PRCD: variants seen among roughly 807,000 people sequenced by gnomAD.
PRCD encodes the protein photoreceptor disc component.
A neutral mutation model predicts 10.1 loss-of-function variants in PRCD; 12 were observed. That is an observed-to-expected ratio of 1.18 (90% CI 0.76 to 1.92). PRCD has a LOEUF of 1.92. Ranked by LOEUF, PRCD falls within the 40% of genes most tolerant of loss-of-function variation. The pLI is 0.00. For missense variants in PRCD, 61 were observed against 72.2 expected (o/e 0.84, Z 0.56); for synonymous variants, 31 against 26.2 (o/e 1.18, Z -0.56).
At chr17:76,529,505 C>T (rs1297729514) in intron 1 of PRCD, 2 of 985,356 alleles carry the variant, frequency 2.0e-6, no homozygotes, top group Non-Finnish European at 2.4e-6. Context: ...GTTTCTGATT[C>T]ACTGGGGCTC....
At chr17:76,529,777 G>A (rs1468904965) in intron 1 of PRCD, 1 of 985,346 alleles carries the variant, frequency 1.0e-6, no homozygotes, top group Non-Finnish European at 1.2e-6. Context: ...CCTCTGGTGG[G>A]CCAACATCTG....
chr17:76,537,325 G>C (rs1475465388), upstream of PRCD: 71 of 1,431,630 alleles, frequency 5.0e-5, 1 homozygote, highest in East Asian at 1.4e-3. Flanking sequence ...GCTCGGACCC[G>C]GGCCCAGCCC....
downstream of PRCD, among the ~76,000 whole-genome samples, chr17:76,548,435 A>G (rs763177935): frequency 2.0e-4 from 31 of 152,268 alleles, 1 homozygote; most frequent in Non-Finnish European, 3.8e-4. Flanking sequence ...ACCCTGTATC[A>G]GGTGTCAGGA....
upstream of PRCD, among the ~76,000 whole-genome samples, chr17:76,536,560 T>G (rs1316728669): frequency 6.6e-6 from 1 of 152,142 alleles, no homozygotes; most frequent in Non-Finnish European, 1.5e-5. Context: ...CTTTCGAGAC[T>G]TGGACACATC....
At chr17:76,529,991 G>T (rs1478882476) in intron 1 of PRCD, 1 of 985,270 alleles carries the variant, frequency 1.0e-6, no homozygotes, top group Non-Finnish European at 1.2e-6. Flanking sequence ...GTCCCCAGCT[G>T]CCCTCAGGGG....
downstream of PRCD, among the ~76,000 whole-genome samples, chr17:76,547,655 A>T (rs1370877203): frequency 6.6e-6 from 1 of 151,828 alleles, no homozygotes; most frequent in Non-Finnish European, 1.5e-5. Flanking sequence ...ACACACACAC[A>T]CACACACATA....
downstream of PRCD, among the ~76,000 whole-genome samples, chr17:76,549,680 C>T (rs767652553): frequency 6.6e-6 from 1 of 152,204 alleles, no homozygotes; most frequent in African/African-American, 2.4e-5. Flanking sequence ...CCAAATATTC[C>T]TCGACGTGGG....
intron 1 of PRCD, among the ~76,000 whole-genome samples, chr17:76,534,929 C>T (rs1423556866): frequency 4.6e-5 from 7 of 152,350 alleles, no homozygotes; most frequent in South Asian, 4.1e-4. Context: ...GAGACCCTCC[C>T]GGTCTCAGCC....
chr17:76,542,126 C>T (rs1160923672), intron 2 of PRCD, among the ~76,000 whole-genome samples: 2 of 152,172 alleles, frequency 1.3e-5, no homozygotes, highest in Non-Finnish European at 2.9e-5. Flanking sequence ...TCATCTATCT[C>T]ATTTGTGGCT....
chr17:76,543,227 C>T (rs578090339), intron 4 of PRCD, 106 bp downstream of exon 4: 12 of 384,774 alleles, frequency 3.1e-5, no homozygotes, highest in Middle Eastern at 7.2e-4. Flanking sequence ...AAAGAGCAGA[C>T]GTGCTCGCTG....
rs572748485 is a variant in PRCD, at chr17:76,544,918, C to A, written c.*1268C>A. 24 of 456,634 alleles carry A rather than the reference C, an allele frequency of 5.3e-5. No individual in the cohort carries two copies. Among genetic ancestry groups the A allele is most frequent in the Non-Finnish European group, 9.7e-5 (22 of 226,990 alleles). The allele number at this position is 456,634 out of a possible 1,614,324, so 28.3% of individuals were successfully genotyped here. Reference sequence around the variant, plus strand: ...TCCACGCCACTGTTCCGAGAACCTGCGCAGGAGGTGGTGGCTGCTCCAGGG... The same window carrying A: ...TCCACGCCACTGTTCCGAGAACCTGAGCAGGAGGTGGTGGCTGCTCCAGGG... On this transcript the variant is annotated 3_prime_UTR_variant, in exon 5 of 5. Transcript: ENST00000592014.
chr17:76,547,672 C>A (rs531361342), downstream of PRCD, among the ~76,000 whole-genome samples: 10 of 151,276 alleles, frequency 6.6e-5, 1 homozygote, highest in South Asian at 2.1e-4. Context: ...CATATTCACA[C>A]ACAGAGACAC....
In PRCD at chr17:76,540,633, A is replaced by T; in HGVS notation, c.143+60A>T. The T allele has an allele frequency of 6.5e-7, 1 of 1,544,632 alleles. No individual in the cohort carries two copies. Among genetic ancestry groups the T allele is most frequent in the Non-Finnish European group, 8.9e-7 (1 of 1,120,340 alleles). On this transcript the variant is annotated intron_variant, in intron 2 of 4. Coordinates refer to ENST00000592014, the MANE Select transcript of PRCD (RefSeq NM_001077620.3). This position sits in a 1 kb window ranked among gnomAD's most constrained non-coding sequence, Gnocchi z 5.0. ...GCTGCCAAGGAAGCTGTGGCTGTGC[A>T]TGCCTGGGGGTGCACGTGTGTGCCT...
Position 76,542,537 on chromosome 17 carries a change from G to T in PRCD, c.144-16G>T, listed in dbSNP as rs1385213368. The T allele has an allele frequency of 6.2e-7, 1 of 1,614,114 alleles. No individual in the cohort carries two copies. The highest frequency in any genetic ancestry group is 1.3e-5 in the African/African-American group (1 of 74,932). ...CGTGCCCTTCAATCCTGACCCCAGT[G>T]CTTTCCTCTGTTTAGGGAGAAAGAA... On this transcript the variant is annotated splice_polypyrimidine_tract_variant and intron_variant, in intron 2 of 4. Coordinates refer to ENST00000592014, the MANE Select transcript of PRCD (RefSeq NM_001077620.3).
At position 76,528,781 on chromosome 17, in the gene PRCD, G is replaced by A. The variant is rs2074797367; in HGVS notation, n.45+948G>A. ...CAAGTTCTAGTCTCCGTCCTGCTAC[G>A]AACGTGCTGTGTGATCTCAGGCAAG... On this transcript the variant is annotated intron_variant and non_coding_transcript_variant, in intron 1 of 4. Transcript: ENST00000397633. This position sits in a 1 kb window ranked among gnomAD's most constrained non-coding sequence, Gnocchi z 5.8. 6.9e-6 allele frequency: 7 copies of A among 1,010,710 alleles called. No homozygotes were observed. Among genetic ancestry groups the A allele is most frequent in the South Asian group, 1.0e-4 (2 of 19,062 alleles). 62.6% of individuals were successfully genotyped at this position (1,010,710 alleles called of 1,614,324 possible). A position where few individuals can be genotyped will look rare whatever the true frequency, so the allele number is the denominator to read the frequency against.
chr17:76,545,658 T>C (rs1156254074), downstream of PRCD: 2 of 306,374 alleles, frequency 6.5e-6, no homozygotes, highest in Non-Finnish European at 1.3e-5. Flanking sequence ...AACACCTCTG[T>C]GCCTCAGTTT....
Position 76,540,265 on chromosome 17 carries a change from ATGGGGCTGGGC to A in PRCD, c.74+53_74+63del. 2.4e-6 allele frequency: 1 copy of A among 424,664 alleles called. No individual in the cohort carries two copies. The highest frequency in any genetic ancestry group is 4.2e-6 in the Non-Finnish European group (1 of 237,608). The allele number at this position is 424,664 out of a possible 1,614,324, so 26.3% of individuals were successfully genotyped here. On this transcript the variant is annotated intron_variant, in intron 1 of 4. Coordinates refer to ENST00000592014, the MANE Select transcript of PRCD (RefSeq NM_001077620.3). The surrounding 1 kb of genome is among the most constrained non-coding windows in gnomAD (Gnocchi z 5.0). ...TGGCGGTTGGTCGGGGGGGGGGGGC[ATGGGGCTGGGC>A]TGCCACCAAGCTGAAGGTGGGCAGG...
Position 76,545,245 on chromosome 17 carries a change from C to T in PRCD, c.*1595C>T, listed in dbSNP as rs1263819371. On this transcript the variant is annotated 3_prime_UTR_variant, in exon 5 of 5. Coordinates refer to ENST00000592014, the MANE Select transcript of PRCD (RefSeq NM_001077620.3). The stretch of plus-strand genomic sequence containing the variant: ...AAGTTACCTCTCTCAGCCTAGAGCT[C>T]CCCACAGAAGGCTCCTGGGACCCGG... 1 of 456,790 alleles carries T rather than the reference C, an allele frequency of 2.2e-6. No individual in the cohort carries two copies. Among genetic ancestry groups the T allele is most frequent in the Non-Finnish European group, 4.4e-6 (1 of 226,980 alleles). 28.3% of individuals were successfully genotyped at this position (456,790 alleles called of 1,614,324 possible). A position where few individuals can be genotyped will look rare whatever the true frequency, so the allele number is the denominator to read the frequency against.
intron 1 of PRCD, chr17:76,529,079 C>T (rs1190038151): frequency 4.2e-5 from 38 of 911,056 alleles, no homozygotes; most frequent in Non-Finnish European, 4.8e-5. Flanking sequence ...CAAAGGCGCA[C>T]ACCCTGGAGC....
Sources: gnomAD v4.1 joint callset for allele counts (sites outside exome capture counted in the v4.1 genomes callset) on GRCh38, gnomAD v4.1.1 for gene constraint, Gnocchi (gnomAD v3.1) non-coding constraint, MANE v1.5 for transcripts, NCBI Gene and HGNC (gene_info 2026-07-23, HGNC 2026-07-21) for gene names.